The following FSTL4 variants were observed in gnomAD, a reference collection of about 807,000 sequenced individuals.
FSTL4 encodes follistatin like 4, also known as follistatin-related protein 4.
A neutral mutation model predicts 78.2 loss-of-function variants in FSTL4; 28 were observed. The observed-to-expected ratio is 0.36, with a 90% CI of 0.27 to 0.49. FSTL4 has a LOEUF of 0.49. FSTL4 is among the 20% of genes least tolerant of loss of function. The pLI, the probability that FSTL4 is intolerant of heterozygous loss-of-function variation, is 0.98. For synonymous variants in FSTL4, 422 were observed against 440.5 expected, an observed-to-expected ratio of 0.96 and a Z score of 0.53; for missense variants, 922 against 1,084.9, an observed-to-expected ratio of 0.85 and a Z score of 2.11.
At chr5:133,527,472 T>A (rs952467476) in intron 3 of FSTL4, among the ~76,000 whole-genome samples, 10 of 90,572 alleles carry the variant, frequency 1.1e-4, no homozygotes, top group Non-Finnish European at 2.5e-4. Context: ...TGTGCACGTG[T>A]ACACACACAC....
At chr5:133,566,019 G>C (rs751505153) in intron 3 of FSTL4, among the ~76,000 whole-genome samples, 3 of 152,074 alleles carry the variant, frequency 2.0e-5, no homozygotes, top group Non-Finnish European at 4.4e-5. Context: ...CATCCATTTG[G>C]TTTTGATATT....
At chr5:133,553,572 T>C (rs544825744) in intron 3 of FSTL4, among the ~76,000 whole-genome samples, 39 of 152,340 alleles carry the variant, frequency 2.6e-4, no homozygotes, top group Middle Eastern at 3.4e-3. Flanking sequence ...TGTCTTCTCA[T>C]TTCTAAAACA....
At chr5:133,800,806 G>A in the FSTL4 span, among the ~76,000 whole-genome samples, 1 of 152,058 alleles carries the variant, frequency 6.6e-6, no homozygotes, top group South Asian at 2.1e-4. Flanking sequence ...TTGGAGCAAT[G>A]TGCCTTTTAG....
the FSTL4 span, among the ~76,000 whole-genome samples, chr5:133,729,829 G>A: frequency 2.0e-5 from 3 of 152,092 alleles, no homozygotes; most frequent in Admixed American, 1.3e-4. Flanking sequence ...CAATCCTGAG[G>A]AGAAGATGCC....
chr5:133,415,116 A>AG (rs1227315336), intron 3 of FSTL4, among the ~76,000 whole-genome samples: 4 of 152,260 alleles, frequency 2.6e-5, no homozygotes, highest in Admixed American at 6.5e-5. Context: ...TTCTGATAGA[A>AG]GAAATCAAAA....
At chr5:133,555,505 C>G (rs1350488936) in intron 3 of FSTL4, among the ~76,000 whole-genome samples, 1 of 152,176 alleles carries the variant, frequency 6.6e-6, no homozygotes, top group African/African-American at 2.4e-5. Flanking sequence ...AACTCACAGG[C>G]TTTCTTGAGC....
intron 4 of FSTL4, among the ~76,000 whole-genome samples, chr5:133,337,603 T>C (rs937473528): frequency 3.3e-5 from 5 of 151,172 alleles, no homozygotes; most frequent in African/African-American, 1.2e-4. Context: ...AATGAGGGAG[T>C]TGGCTGGCTT....
chr5:133,419,735 C>G (rs1228515433), intron 3 of FSTL4, among the ~76,000 whole-genome samples: 1 of 152,200 alleles, frequency 6.6e-6, no homozygotes, highest in Non-Finnish European at 1.5e-5. Flanking sequence ...TTCTGGTTCT[C>G]CCAGATCCTT....
At chr5:133,756,927 A>C in the FSTL4 span, among the ~76,000 whole-genome samples, 5 of 152,120 alleles carry the variant, frequency 3.3e-5, no homozygotes, top group Non-Finnish European at 5.9e-5. Flanking sequence ...TACCATGTAC[A>C]CAGGAGTCAG....
intron 7 of FSTL4, among the ~76,000 whole-genome samples, chr5:133,240,175 G>T (rs939246288): frequency 6.6e-6 from 1 of 152,162 alleles, no homozygotes; most frequent in African/African-American, 2.4e-5. Flanking sequence ...AACTCCAAAC[G>T]CATCCGAGCA....
At chr5:133,290,824 C>T (rs1753245278) in intron 6 of FSTL4, among the ~76,000 whole-genome samples, 1 of 152,232 alleles carries the variant, frequency 6.6e-6, no homozygotes, top group South Asian at 2.1e-4. Context: ...CCCGCGGTCC[C>T]TCGCCTGCAA....
chr5:133,364,772 C>T (rs916068281), intron 4 of FSTL4, among the ~76,000 whole-genome samples: 4 of 152,078 alleles, frequency 2.6e-5, no homozygotes, highest in African/African-American at 9.7e-5. Context: ...AAATGTCAGT[C>T]CCCCTTATCT....
At chr5:133,672,260 C>G in the FSTL4 span, among the ~76,000 whole-genome samples, 1 of 152,236 alleles carries the variant, frequency 6.6e-6, no homozygotes, top group African/African-American at 2.4e-5. Flanking sequence ...TTTGCTTTCT[C>G]TTGCTACTGT....
intron 4 of FSTL4, among the ~76,000 whole-genome samples, chr5:133,359,501 C>G (rs1358795603): frequency 6.6e-6 from 1 of 152,188 alleles, no homozygotes; most frequent in African/African-American, 2.4e-5. Flanking sequence ...TATTAGAAAT[C>G]AGATCAGCAA....
Position 133,199,007 on chromosome 5 carries a change from G to C in FSTL4, c.*88C>G, listed in dbSNP as rs1346828611. 3 of 810,522 alleles carry C rather than the reference G, an allele frequency of 3.7e-6. No homozygotes were observed. Among genetic ancestry groups the C allele is most frequent in the Non-Finnish European group, 5.7e-6 (3 of 529,034 alleles). 50.2% of individuals were successfully genotyped at this position (810,522 alleles called of 1,614,324 possible). A position where few individuals can be genotyped will look rare whatever the true frequency, so the allele number is the denominator to read the frequency against. On this transcript the variant is annotated 3_prime_UTR_variant, in exon 16 of 16. Coordinates refer to ENST00000265342, the MANE Select transcript of FSTL4 (RefSeq NM_015082.2). This position sits in a 1 kb window ranked among gnomAD's most constrained non-coding sequence, Gnocchi z 4.4. ...AAAGCGAGTACAGGTTTTTGCTTTTGTCTGTAAAAATGTACAGCGTACCTG... is the reference window on the plus strand; with the variant it reads ...AAAGCGAGTACAGGTTTTTGCTTTTCTCTGTAAAAATGTACAGCGTACCTG...
intron 3 of FSTL4, among the ~76,000 whole-genome samples, chr5:133,508,679 C>A (rs1272817132): frequency 6.6e-6 from 1 of 152,190 alleles, no homozygotes; most frequent in African/African-American, 2.4e-5. Flanking sequence ...AAAAACGACA[C>A]CACTTTGTAG....
intron 7 of FSTL4, among the ~76,000 whole-genome samples, chr5:133,241,053 C>T (rs112033846): frequency 6.6e-5 from 10 of 152,306 alleles, no homozygotes; most frequent in Admixed American, 2.6e-4. Context: ...CTTTGGACAC[C>T]GAGGCCTGGG....
chr5:133,304,192 A>G (rs1194650727), intron 6 of FSTL4, among the ~76,000 whole-genome samples: 1 of 152,236 alleles, frequency 6.6e-6, no homozygotes, highest in Non-Finnish European at 1.5e-5. Context: ...TGAGGACAAT[A>G]TGGTGCTATC....
chr5:133,560,668 G>A (rs1759891733), intron 3 of FSTL4, among the ~76,000 whole-genome samples: 1 of 151,046 alleles, frequency 6.6e-6, no homozygotes, highest in Admixed American at 6.6e-5. Context: ...CCGGTCGTTT[G>A]TCTTTAAGTT....
Sources: gnomAD v4.1 joint callset for allele counts (sites outside exome capture counted in the v4.1 genomes callset) on GRCh38, gnomAD v4.1.1 for gene constraint, Gnocchi (gnomAD v3.1) non-coding constraint, MANE v1.5 for transcripts, NCBI Gene and HGNC (gene_info 2026-07-23, HGNC 2026-07-21) for gene names.